TENM3: variants seen among roughly 807,000 people sequenced by gnomAD.
TENM3 encodes teneurin transmembrane protein 3.
Under a neutral mutation model 255.1 loss-of-function variants are expected in TENM3, and 63 were observed. The observed-to-expected ratio is 0.25, with a 90% CI of 0.20 to 0.30. The LOEUF (loss-of-function observed/expected upper bound fraction) is 0.30. Ranked by LOEUF, TENM3 falls within the 10% of genes least tolerant of loss-of-function variation. The pLI is 1.00. For missense variants in TENM3, 2,929 were observed against 3,461.1 expected, an observed-to-expected ratio of 0.85 and a Z score of 3.86; for synonymous variants, 1,306 against 1,322.3, an observed-to-expected ratio of 0.99 and a Z score of 0.27.
the TENM3 span, among the ~76,000 whole-genome samples, chr4:181,763,128 CT>C: frequency 1.2e-4 from 18 of 152,084 alleles, no homozygotes; most frequent in African/African-American, 1.2e-4. Context: ...TAGGAATCTT[CT>C]TTTTTATCTA....
chr4:181,821,159 G>T, the TENM3 span, among the ~76,000 whole-genome samples: 3 of 152,106 alleles, frequency 2.0e-5, no homozygotes, highest in African/African-American at 4.8e-5. Flanking sequence ...TGGACTAACT[G>T]ACTTCCCTCT....
intron 22 of TENM3, among the ~76,000 whole-genome samples, chr4:182,768,455 A>G (rs1169196165): frequency 5.9e-5 from 9 of 152,194 alleles, no homozygotes; most frequent in Non-Finnish European, 8.8e-5. Context: ...GTAGAAAGGT[A>G]TTATAATCAT....
intron 6 of TENM3, among the ~76,000 whole-genome samples, chr4:182,662,820 T>G (rs1754342582): frequency 1.3e-5 from 2 of 152,216 alleles, no homozygotes; most frequent in South Asian, 4.1e-4. Flanking sequence ...CTTCCAGGTG[T>G]GTTTACCATC....
chr4:182,468,268 TTTG>T, intron 3 of TENM3, among the ~76,000 whole-genome samples: 1 of 152,268 alleles, frequency 6.6e-6, no homozygotes, highest in Non-Finnish European at 1.5e-5. Context: ...CAAAAGTTAC[TTTG>T]TTAACTTGTT....
chr4:182,454,015 C>T (rs1323543521), intron 3 of TENM3, among the ~76,000 whole-genome samples: 1 of 152,094 alleles, frequency 6.6e-6, no homozygotes, highest in African/African-American at 2.4e-5. Context: ...AGTACATCTC[C>T]TTAATTATCT....
chr4:182,029,788 A>T, the TENM3 span, among the ~76,000 whole-genome samples: 5 of 152,186 alleles, frequency 3.3e-5, no homozygotes, highest in Non-Finnish European at 7.4e-5. Context: ...ATAAATTGAA[A>T]TTGAATATGT....
chr4:182,096,257 A>T, the TENM3 span, among the ~76,000 whole-genome samples: 1 of 152,214 alleles, frequency 6.6e-6, no homozygotes, highest in East Asian at 1.9e-4. Flanking sequence ...CTGTCTAAAG[A>T]CGGGACAAAT....
chr4:181,761,102 G>A, the TENM3 span, among the ~76,000 whole-genome samples: 2 of 151,360 alleles, frequency 1.3e-5, no homozygotes, highest in African/African-American at 2.4e-5. Flanking sequence ...TACTCTAAAC[G>A]TCTCTATATT....
intron 3 of TENM3, among the ~76,000 whole-genome samples, chr4:182,510,561 A>G (rs886694905): frequency 2.0e-5 from 3 of 152,172 alleles, no homozygotes; most frequent in Non-Finnish European, 2.9e-5. Context: ...TTATACATAC[A>G]TGTAGCATTT....
the TENM3 span, among the ~76,000 whole-genome samples, chr4:181,875,510 T>A: frequency 2.0e-5 from 3 of 151,874 alleles, no homozygotes; most frequent in Non-Finnish European, 4.4e-5. Context: ...GTGGTCAAAA[T>A]GTGTCTTTGA....
chr4:181,463,862 G>A, the TENM3 span, among the ~76,000 whole-genome samples: 2 of 152,078 alleles, frequency 1.3e-5, no homozygotes, highest in Non-Finnish European at 2.9e-5. Flanking sequence ...AATGTCTGTT[G>A]ATGTGCCTAC....
the TENM3 span, among the ~76,000 whole-genome samples, chr4:182,115,386 A>G: frequency 6.6e-6 from 1 of 152,238 alleles, no homozygotes; most frequent in Non-Finnish European, 1.5e-5. Context: ...AGTTAAATAT[A>G]TAAAACAGTT....
At chr4:181,607,067 A>G in the TENM3 span, among the ~76,000 whole-genome samples, 2 of 152,278 alleles carry the variant, frequency 1.3e-5, no homozygotes, top group Admixed American at 6.5e-5. Context: ...TGTTCTCACA[A>G]CTTCCAGTTA....
chr4:181,929,895 A>C, the TENM3 span, among the ~76,000 whole-genome samples: 31 of 152,356 alleles, frequency 2.0e-4, no homozygotes, highest in African/African-American at 7.5e-4. Flanking sequence ...GCACAACTAC[A>C]TGGAAACTGA....
At chr4:181,984,476 T>C in the TENM3 span, among the ~76,000 whole-genome samples, 950 of 152,202 alleles carry the variant, frequency 6.2e-3, 9 homozygotes, top group African/African-American at 0.021. Context: ...TTTTTTCCTC[T>C]CTAGAATTCT....
intron 3 of TENM3, among the ~76,000 whole-genome samples, chr4:182,580,938 A>G (rs1745434241): frequency 6.6e-6 from 1 of 152,220 alleles, no homozygotes; most frequent in African/African-American, 2.4e-5. Flanking sequence ...ATCTTGCTCA[A>G]ATAATCATTT....
intron 1 of TENM3, among the ~76,000 whole-genome samples, chr4:182,280,881 A>G (rs1292246352): frequency 6.6e-6 from 1 of 152,220 alleles, no homozygotes; most frequent in Non-Finnish European, 1.5e-5. Flanking sequence ...AGTAGCCTCT[A>G]AGTTACCAGC....
intron 6 of TENM3, among the ~76,000 whole-genome samples, chr4:182,663,077 G>A (rs544162079): frequency 6.6e-6 from 1 of 152,136 alleles, no homozygotes; most frequent in South Asian, 2.1e-4. Context: ...TGATTAGAAA[G>A]AGAGGTCAGA....
chr4:182,666,926 T>C (rs1245732473), intron 6 of TENM3, among the ~76,000 whole-genome samples: 1 of 152,000 alleles, frequency 6.6e-6, no homozygotes, highest in Non-Finnish European at 1.5e-5. Context: ...ATAATGCTAT[T>C]GCACACTTAG....
Sources: gnomAD v4.1 joint callset for allele counts (sites outside exome capture counted in the v4.1 genomes callset) on GRCh38, gnomAD v4.1.1 for gene constraint, MANE v1.5 for transcripts, NCBI Gene and HGNC (gene_info 2026-07-23, HGNC 2026-07-21) for gene names.